Variants in CCDC85C observed in about 807,000 individuals in gnomAD.
CCDC85C encodes the protein coiled-coil domain containing 85C.
In CCDC85C, 18 loss-of-function variants were observed where a neutral mutation model predicts 38.3. The observed-to-expected ratio is 0.47, with a 90% CI of 0.33 to 0.70. The LOEUF (loss-of-function observed/expected upper bound fraction) is 0.70, where lower values mean the gene tolerates loss of function less well. Among genes scored for constraint, CCDC85C ranks in the 30% least tolerant of loss-of-function variants. The pLI is 0.03. For synonymous variants in CCDC85C, 264 were observed against 293.8 expected, an observed-to-expected ratio of 0.90 and a Z score of 1.04; for missense variants, 566 against 621.2, an observed-to-expected ratio of 0.91 and a Z score of 0.94.
At chr14:99,559,932 T>G (rs1244763910) in intron 1 of CCDC85C, among the ~76,000 whole-genome samples, 1 of 151,968 alleles carries the variant, frequency 6.6e-6, no homozygotes, top group Non-Finnish European at 1.5e-5. Context: ...GGGACTGGGT[T>G]GCATGGGTCT....
chr14:99,501,761 T>G lies in CCDC85C; in HGVS notation c.*13485A>C. 3.9e-6 allele frequency: 1 copy of G among 257,284 alleles called. No homozygotes were observed. Among genetic ancestry groups the G allele is most frequent in the Non-Finnish European group, 7.4e-6 (1 of 136,006 alleles). 15.9% of individuals were successfully genotyped at this position (257,284 alleles called of 1,614,324 possible). ...GTATAGTTTTAGAGCCTTAACACTC[T>G]TTTGAGAGGCCAGGGATCTAATGAG... On this transcript the variant is annotated 3_prime_UTR_variant, in exon 6 of 6. Transcript: ENST00000380243.
chr14:99,537,493 T>C (rs114117398), intron 1 of CCDC85C, among the ~76,000 whole-genome samples: 3,018 of 152,160 alleles, frequency 0.02, 106 homozygotes, highest in African/African-American at 0.069. Flanking sequence ...GGACCAGGCC[T>C]AGGGCCCAGC....
At chr14:99,529,672 G>A (rs553124724) in intron 2 of CCDC85C, among the ~76,000 whole-genome samples, 6 of 152,358 alleles carry the variant, frequency 3.9e-5, no homozygotes, top group East Asian at 1.9e-4. Context: ...CCAAAGTGCC[G>A]GGATTACAGG....
At chr14:99,562,643 A>C (rs1409334744) in intron 1 of CCDC85C, among the ~76,000 whole-genome samples, 1 of 152,172 alleles carries the variant, frequency 6.6e-6, no homozygotes, top group Non-Finnish European at 1.5e-5. Flanking sequence ...GGGAACCCCC[A>C]ACCTGGGTGA....
In CCDC85C at chr14:99,517,150, G is replaced by T. The variant is rs1309538045; in HGVS notation, c.1009C>A (p.Pro337Thr). The T allele has an allele frequency of 1.3e-6, 2 of 1,549,748 alleles. No homozygotes were observed. Among genetic ancestry groups the T allele is most frequent in the Non-Finnish European group, 1.7e-6 (2 of 1,146,622 alleles). The change falls in exon 4 of 6, where the codon CCC becomes ACC. Residue 337 changes from proline (P) to threonine (T), a missense_variant. Pro to Thr is a conservative substitution (Grantham distance 38). Coordinates refer to ENST00000380243, the MANE Select transcript of CCDC85C (RefSeq NM_001144995.2). The part of the protein sequence containing the change: ...PACPAPELPS[P>T]PSAGYSPAGQ... ...GCAGGGCTGTAGCCAGCAGAGGGGG[G>T]CGAGGGCAGCTCAGGTGCGGGGCAG...
chr14:99,590,439 G>A (rs1470661691), intron 1 of CCDC85C, among the ~76,000 whole-genome samples: 1 of 152,188 alleles, frequency 6.6e-6, no homozygotes, highest in African/African-American at 2.4e-5. Flanking sequence ...AGCGGCAGGA[G>A]AAGACTGGGA....
chr14:99,598,195 C>T (rs1384663657), intron 1 of CCDC85C, among the ~76,000 whole-genome samples: 2 of 152,206 alleles, frequency 1.3e-5, no homozygotes, highest in Non-Finnish European at 2.9e-5. Flanking sequence ...TCCCTCAACC[C>T]AAAGGTTAGT....
chr14:99,583,544 T>C (rs1218466457), intron 1 of CCDC85C, among the ~76,000 whole-genome samples: 1 of 145,742 alleles, frequency 6.9e-6, no homozygotes, highest in African/African-American at 2.6e-5. Flanking sequence ...CAGTGGCTCA[T>C]GCCTGTTATC....
At position 99,521,556 on chromosome 14, in the gene CCDC85C, C is replaced by G. The variant is rs189247485; in HGVS notation, c.975+577G>C. Among the ~76,000 whole-genome samples, 393 of 152,314 alleles carry G rather than the reference C, an allele frequency of 2.6e-3. 3 individuals carry two copies. Among genetic ancestry groups the G allele is most frequent in the Non-Finnish European group, 4.3e-3 (294 of 68,014 alleles). On this transcript the variant is annotated intron_variant, in intron 3 of 5. Transcript: ENST00000380243. ...AGCATCCGCTACACACCCACCAAGG[C>G]TCCTGGAGGCGTGAAGTCCCACAAG... is the stretch of plus-strand genomic sequence containing the variant.
Position 99,516,088 on chromosome 14 carries a change from G to A in CCDC85C, c.1170+100C>T, listed in dbSNP as rs1211716911. ...GTCACCCAGCCTTCGCTGAGCATTC[G>A]AGAAATGGAGTCCCACATGGGGAAG... On this transcript the variant is annotated intron_variant, in intron 5 of 5. Transcript: ENST00000380243. This position sits in a 1 kb window ranked among gnomAD's most constrained non-coding sequence, Gnocchi z 5.5. 9.5e-6 allele frequency: 9 copies of A among 947,896 alleles called. 2 individuals carry two copies. Among genetic ancestry groups the A allele is most frequent in the South Asian group, 4.2e-5 (3 of 70,640 alleles). The allele number at this position is 947,896 out of a possible 1,614,324, so 58.7% of individuals were successfully genotyped here.
chr14:99,571,650 C>T (rs1898346334), intron 1 of CCDC85C, among the ~76,000 whole-genome samples: 1 of 152,328 alleles, frequency 6.6e-6, no homozygotes, highest in South Asian at 2.1e-4. Flanking sequence ...CTTTTCTTCC[C>T]CACTGTTTGC....
At chr14:99,581,903 G>A (rs2054974537) in intron 1 of CCDC85C, among the ~76,000 whole-genome samples, 2 of 152,246 alleles carry the variant, frequency 1.3e-5, no homozygotes, top group Admixed American at 6.5e-5. Flanking sequence ...CATTACCGAC[G>A]CATCACGGCA....
In CCDC85C at chr14:99,533,996, T is replaced by A. The variant is rs999852315; in HGVS notation, c.867+2019A>T. On this transcript the variant is annotated intron_variant, in intron 2 of 5. Transcript: ENST00000380243. This position sits in a 1 kb window ranked among gnomAD's most constrained non-coding sequence, Gnocchi z 4.2. ...GGGGCCAAGGGATCAGGGACACTCC[T>A]GTCCTTATGGAAACAGGACCATGAG... Among the ~76,000 whole-genome samples the A allele has an allele frequency of 3.3e-5, 5 of 152,218 alleles. No individual in the cohort carries two copies. The highest frequency in any genetic ancestry group is 5.9e-5 in the Non-Finnish European group (4 of 68,040).
chr14:99,554,499 G>T (rs559656622), intron 1 of CCDC85C, among the ~76,000 whole-genome samples: 2 of 152,240 alleles, frequency 1.3e-5, no homozygotes, highest in African/African-American at 4.8e-5. Context: ...GGCGGGCAGG[G>T]GGTAAGCGCA....
chr14:99,553,101 C>T (rs548058929), intron 1 of CCDC85C, among the ~76,000 whole-genome samples: 4 of 152,342 alleles, frequency 2.6e-5, no homozygotes, highest in African/African-American at 9.6e-5. Context: ...GGTCTCACAT[C>T]ACAGCTGTGT....
At position 99,500,677 on chromosome 14, in the gene CCDC85C, G is replaced by A; in HGVS notation, c.*14569C>T. 1.2e-6 allele frequency: 1 copy of A among 854,580 alleles called. No individual in the cohort carries two copies. The highest frequency in any genetic ancestry group is 1.5e-5 in the South Asian group (1 of 67,832). The allele number at this position is 854,580 out of a possible 1,614,324, so 52.9% of individuals were successfully genotyped here. On this transcript the variant is annotated 3_prime_UTR_variant, in exon 6 of 6. Transcript: ENST00000380243. ...GTTGCTAAAATATAACTTGAAGAGAGAATAAATAGACAGGAAAGCTCACTT... is the reference window on the plus strand; with the variant it reads ...GTTGCTAAAATATAACTTGAAGAGAAAATAAATAGACAGGAAAGCTCACTT...
chr14:99,589,009 G>A (rs2055055649), intron 1 of CCDC85C, among the ~76,000 whole-genome samples: 1 of 152,058 alleles, frequency 6.6e-6, no homozygotes, highest in Non-Finnish European at 1.5e-5. Context: ...AGAAGTCCAG[G>A]AAGCAGATGT....
rs10139497 is a variant in CCDC85C, at chr14:99,572,090, C to A, written c.793+31077G>T. On this transcript the variant is annotated intron_variant, in intron 1 of 5. Transcript: ENST00000380243. The surrounding 1 kb of genome is among the most constrained non-coding windows in gnomAD (Gnocchi z 4.4). ...GCCCCCAACCCTAACCCAGCACCCG[C>A]AAGTCTCTGGAAGGCAGCGGCAAGG... Among the ~76,000 whole-genome samples the A allele has an allele frequency of 6.6e-6, 1 of 152,100 alleles. No individual in the cohort carries two copies. Among genetic ancestry groups the A allele is most frequent in the East Asian group, 1.9e-4 (1 of 5,140 alleles).
At chr14:99,560,121 C>A (rs2139948031) in intron 1 of CCDC85C, among the ~76,000 whole-genome samples, 1 of 152,292 alleles carries the variant, frequency 6.6e-6, no homozygotes, top group South Asian at 2.1e-4. Context: ...GATAGATGCT[C>A]CCTGGACACC....
Sources: gnomAD v4.1 joint callset for allele counts (sites outside exome capture counted in the v4.1 genomes callset) on GRCh38, gnomAD v4.1.1 for gene constraint, Gnocchi (gnomAD v3.1) non-coding constraint, MANE v1.5 for transcripts, NCBI Gene and HGNC (gene_info 2026-07-23, HGNC 2026-07-21) for gene names.